ANKRD27: variants seen among roughly 807,000 people sequenced by gnomAD.
ANKRD27 encodes ankyrin repeat domain 27, also known as ankyrin repeat domain-containing protein 27.
A neutral mutation model predicts 129.7 loss-of-function variants in ANKRD27; 112 were observed. That is an observed-to-expected ratio of 0.86 (90% CI 0.74 to 1.01). The LOEUF is 1.01. Ranked by LOEUF, ANKRD27 falls within the 50% of genes least tolerant of loss-of-function variation. ANKRD27 has a pLI of 0.00. For synonymous variants in ANKRD27, 516 were observed against 511.2 expected (o/e 1.01, Z -0.13); for missense variants, 1,258 against 1,300.5 (o/e 0.97, Z 0.50).
At position 32,604,005 on chromosome 19, in the gene ANKRD27, G is replaced by T. The variant is rs868618862; in HGVS notation, c.2655+258C>A. Among the ~76,000 whole-genome samples, 3 of 98,944 alleles carry T rather than the reference G, an allele frequency of 3.0e-5. No homozygotes were observed. In the South Asian group the frequency reaches 1.1e-3, roughly 36 times the overall value. The allele number at this position is 98,944 out of a possible 152,430, so 64.9% of individuals were successfully genotyped here. A position where few individuals can be genotyped will look rare whatever the true frequency, so the allele number is the denominator to read the frequency against. On this transcript the variant is annotated intron_variant, in intron 25 of 28. Coordinates refer to ENST00000306065, the MANE Select transcript of ANKRD27 (RefSeq NM_032139.3). ...GGACCACAGCCCTACTGCTAGCTGA[G>T]GGGGGGGCCCCTCCACTCAGGCCTT...
chr19:32,605,772 T>A (rs1971723471), intron 24 of ANKRD27, 63 bp downstream of exon 24: 13 of 1,590,566 alleles, frequency 8.2e-6, no homozygotes, highest in Non-Finnish European at 9.4e-6. Flanking sequence ...CGGGGGTCGC[T>A]GGGTGGAGGC....
chr19:32,661,578 T>G (rs1444932789), intron 1 of ANKRD27, among the ~76,000 whole-genome samples: 3 of 151,994 alleles, frequency 2.0e-5, no homozygotes, highest in Non-Finnish European at 4.4e-5. Flanking sequence ...CCTGGCCTGA[T>G]GCAATCCTCC....
intron 4 of ANKRD27, among the ~76,000 whole-genome samples, chr19:32,646,135 T>C (rs2145304538): frequency 6.6e-6 from 1 of 152,150 alleles, no homozygotes; most frequent in East Asian, 1.9e-4. Flanking sequence ...TTTCACCACA[T>C]TGGCCAGGCT....
At chr19:32,621,635 C>CA (rs533309863) in intron 18 of ANKRD27, among the ~76,000 whole-genome samples, 4 of 151,922 alleles carry the variant, frequency 2.6e-5, no homozygotes, top group East Asian at 1.9e-4. Flanking sequence ...CTCAAAACAA[C>CA]AAAAAAAATT....
At position 32,598,062 on chromosome 19, in the gene ANKRD27, T is replaced by C. The variant is rs771175856; in HGVS notation, c.*83A>G. ...CAAGCCAGTCTCATGGAAGCACATT[T>C]AGTTCTCAGATGTGTTCACGCTCAG... On this transcript the variant is annotated 3_prime_UTR_variant, in exon 29 of 29. Coordinates refer to ENST00000306065, the MANE Select transcript of ANKRD27 (RefSeq NM_032139.3). 17 of 1,280,772 alleles carry C rather than the reference T, an allele frequency of 1.3e-5. No individual in the cohort carries two copies. Among genetic ancestry groups the C allele is most frequent in the Non-Finnish European group, 1.8e-5 (16 of 889,290 alleles). The allele number at this position is 1,280,772 out of a possible 1,614,324, so 79.3% of individuals were successfully genotyped here. A position where few individuals can be genotyped will look rare whatever the true frequency, so the allele number is the denominator to read the frequency against.
intron 22 of ANKRD27, chr19:32,608,493 A>G: frequency 4.0e-6 from 1 of 249,194 alleles, no homozygotes; most frequent in South Asian, 3.7e-5. Flanking sequence ...TGATGATTAA[A>G]AATGTTACCT....
intron 23 of ANKRD27, 141 bp downstream of exon 23, chr19:32,607,494 G>A (rs977429553): frequency 3.2e-5 from 33 of 1,022,076 alleles, no homozygotes; most frequent in African/African-American, 4.9e-5. Context: ...GTGGCCTACC[G>A]TGTGCACCTC....
At chr19:32,631,980 C>T (rs11878322) in intron 12 of ANKRD27, among the ~76,000 whole-genome samples, 85,534 of 152,112 alleles carry the variant, frequency 0.56, 24,207 homozygotes, top group East Asian at 0.62. Flanking sequence ...GCTTTTTGGA[C>T]GTGCCTATTA....
chr19:32,654,157 C>T (rs970308520), intron 2 of ANKRD27, among the ~76,000 whole-genome samples: 5 of 152,166 alleles, frequency 3.3e-5, no homozygotes, highest in Non-Finnish European at 5.9e-5. Context: ...GCCTCGGCCT[C>T]CCAAAGTGCT....
At chr19:32,642,174 T>G in intron 9 of ANKRD27, 29 bp from the exon 10 acceptor site, 1 of 1,558,274 alleles carries the variant, frequency 6.4e-7, no homozygotes, top group South Asian at 1.2e-5. Context: ...AGTGACAACT[T>G]CAGAGCACAG....
chr19:32,639,556 T>G, intron 11 of ANKRD27, 68 bp from the exon 12 acceptor site: 1 of 1,537,834 alleles, frequency 6.5e-7, no homozygotes. Context: ...AAAAATATCA[T>G]TGGCTTGGGC....
intron 3 of ANKRD27, among the ~76,000 whole-genome samples, chr19:32,648,968 GT>G (rs67248583): frequency 0.56 from 70,204 of 126,040 alleles, 18,268 homozygotes; most frequent in Non-Finnish European, 0.63. Flanking sequence ...TTTTGGGTTT[GT>G]TTTTTTTTTT....
At chr19:32,619,217 C>T (rs747892485) in intron 20 of ANKRD27, 43 bp downstream of exon 20, 9 of 1,589,450 alleles carry the variant, frequency 5.7e-6, no homozygotes, top group Admixed American at 1.7e-5. Context: ...TGCCCAGGGC[C>T]GCCAAGGCCT....
At chr19:32,615,515 T>A in intron 22 of ANKRD27, 143 bp downstream of exon 22, 1 of 1,337,332 alleles carries the variant, frequency 7.5e-7, no homozygotes, top group Non-Finnish European at 1.0e-6. Flanking sequence ...GCCCAGGCGG[T>A]TGAGGCTGCA....
intron 22 of ANKRD27, 21 bp downstream of exon 22, chr19:32,615,637 C>T: frequency 6.2e-7 from 1 of 1,614,098 alleles, no homozygotes; most frequent in South Asian, 1.1e-5. Context: ...CTGACCTCCA[C>T]CAACAGAAAC....
intron 21 of ANKRD27, among the ~76,000 whole-genome samples, chr19:32,616,515 T>G (rs1318027731): frequency 1.5e-5 from 2 of 137,712 alleles, no homozygotes; most frequent in African/African-American, 5.5e-5. Context: ...ATCATGCCAC[T>G]GCACTCCTGG....
Position 32,597,108 on chromosome 19 carries a change from C to G in ANKRD27, c.*1037G>C, listed in dbSNP as rs1013105923. 7.1e-6 allele frequency: 1 copy of G among 140,460 alleles called. No individual in the cohort carries two copies. Among genetic ancestry groups the G allele is most frequent in the East Asian group, 2.5e-4 (1 of 3,974 alleles). 8.7% of individuals were successfully genotyped at this position (140,460 alleles called of 1,614,324 possible). A position where few individuals can be genotyped will look rare whatever the true frequency, so the allele number is the denominator to read the frequency against. On this transcript the variant is annotated 3_prime_UTR_variant, in exon 29 of 29. Coordinates refer to ENST00000306065, the MANE Select transcript of ANKRD27 (RefSeq NM_032139.3). The stretch of plus-strand genomic sequence containing the variant: ...AAATTACTTTGTAGAAAAATAATCC[C>G]TCCCTTCCTTCTGTACATACACAAG...
At chr19:32,621,592 C>A (rs1212156674) in intron 18 of ANKRD27, among the ~76,000 whole-genome samples, 2 of 151,980 alleles carry the variant, frequency 1.3e-5, no homozygotes, top group African/African-American at 2.4e-5. Context: ...TGTGCCACTG[C>A]ACTCCAGCCT....
chr19:32,599,735 A>G lies in ANKRD27; in HGVS notation c.2888T>C (p.Val963Ala). 6.2e-7 allele frequency: 1 copy of G among 1,613,456 alleles called. No homozygotes were observed. The highest frequency in any genetic ancestry group is 8.5e-7 in the Non-Finnish European group (1 of 1,179,868). ...CAAAGAACCTTCGGTTAAATTAGGG[A>G]CACTTCTATCTCTTGCCATAATCTC... The part of the protein sequence containing the change: ...SREIMARDRS[V>A]PNLTEGSLHE... The change falls in exon 28 of 29, where the codon GTC (valine) becomes GCC (alanine). Residue 963 changes from valine to alanine, a missense_variant. Coordinates refer to ENST00000306065, the MANE Select transcript of ANKRD27 (RefSeq NM_032139.3).
Sources: allele counts gnomAD v4.1 joint callset (sites outside exome capture counted in the v4.1 genomes callset), GRCh38; gene constraint gnomAD v4.1.1; transcripts MANE v1.5; gene names NCBI Gene and HGNC (gene_info 2026-07-23, HGNC 2026-07-21).